PRUNE2: variants seen among roughly 807,000 people sequenced by gnomAD.
The protein encoded by PRUNE2 is prune homolog 2 with BCH domain.
In PRUNE2, 164 loss-of-function variants were observed where a neutral mutation model predicts 252.0. The ratio of observed to expected loss-of-function variants is 0.65; its 90% CI spans 0.57 to 0.74. The LOEUF is 0.74. Among genes scored for constraint, PRUNE2 ranks in the 30% least tolerant of loss-of-function variants. The pLI, the probability that PRUNE2 is intolerant of heterozygous loss-of-function variation, is 0.00. For missense variants in PRUNE2, 3,495 were observed against 3,711.0 expected (o/e 0.94, Z 1.51); for synonymous variants, 1,292 against 1,350.2 (o/e 0.96, Z 0.94).
chr9:76,809,626 G>A (rs2057222510), intron 6 of PRUNE2, among the ~76,000 whole-genome samples: 1 of 152,146 alleles, frequency 6.6e-6, no homozygotes, highest in African/African-American at 2.4e-5. Flanking sequence ...AACCAGGGAG[G>A]CAGAGGTTGC....
At chr9:76,777,185 G>A (rs1292625545) in intron 6 of PRUNE2, among the ~76,000 whole-genome samples, 1 of 152,176 alleles carries the variant, frequency 6.6e-6, no homozygotes, top group Non-Finnish European at 1.5e-5. Flanking sequence ...CCCAAAGCAT[G>A]TGAAACTGCT....
chr9:76,875,235 C>T (rs1188725689), intron 1 of PRUNE2, among the ~76,000 whole-genome samples: 1 of 152,220 alleles, frequency 6.6e-6, no homozygotes, highest in Non-Finnish European at 1.5e-5. Flanking sequence ...GTGAAATCTA[C>T]ACTGACCTCC....
chr9:76,728,724 T>C (rs1040447116), intron 6 of PRUNE2, among the ~76,000 whole-genome samples: 5 of 152,232 alleles, frequency 3.3e-5, no homozygotes, highest in Admixed American at 6.5e-5. Context: ...GGCTTTGGAA[T>C]ACAGCAGCCC....
intron 9 of PRUNE2, among the ~76,000 whole-genome samples, chr9:76,696,729 A>T (rs1227579641): frequency 6.6e-6 from 1 of 152,186 alleles, no homozygotes; most frequent in East Asian, 1.9e-4. Context: ...CCCAGCCTCC[A>T]CTAGGTTTTG....
At chr9:76,669,103 G>A (rs2040798906) in intron 9 of PRUNE2, among the ~76,000 whole-genome samples, 1 of 151,790 alleles carries the variant, frequency 6.6e-6, no homozygotes, top group Admixed American at 6.6e-5. Flanking sequence ...ATAGAAGATA[G>A]GACTTCAACA....
At chr9:76,824,059 G>T (rs2058200772) in intron 5 of PRUNE2, among the ~76,000 whole-genome samples, 2 of 152,168 alleles carry the variant, frequency 1.3e-5, no homozygotes, top group Non-Finnish European at 2.9e-5. Flanking sequence ...AAAGAAAACA[G>T]AGATCTGTAA....
chr9:76,897,401 T>C (rs1185986949), intron 1 of PRUNE2, among the ~76,000 whole-genome samples: 2 of 97,378 alleles, frequency 2.1e-5, no homozygotes, highest in Non-Finnish European at 3.8e-5. Flanking sequence ...TTTTTTTTTT[T>C]TTTTTTTTTT....
At chr9:76,720,125 A>AGTT (rs1554723708) in intron 6 of PRUNE2, among the ~76,000 whole-genome samples, 36 of 138,160 alleles carry the variant, frequency 2.6e-4, no homozygotes, top group Admixed American at 9.0e-4. Context: ...TGCTATTAAA[A>AGTT]GTTATGCTAT....
At chr9:76,777,453 G>T (rs2053925332) in intron 6 of PRUNE2, among the ~76,000 whole-genome samples, 1 of 152,208 alleles carries the variant, frequency 6.6e-6, no homozygotes, top group African/African-American at 2.4e-5. Context: ...TCAGCACACA[G>T]ATGTCACTCC....
At chr9:76,764,791 C>A (rs1264869165) in intron 6 of PRUNE2, among the ~76,000 whole-genome samples, 4 of 152,134 alleles carry the variant, frequency 2.6e-5, no homozygotes, top group African/African-American at 7.2e-5. Context: ...TTGGAGTGAA[C>A]AAGCTATTTG....
At chr9:76,809,168 C>T (rs368315650) in intron 6 of PRUNE2, among the ~76,000 whole-genome samples, 3 of 152,180 alleles carry the variant, frequency 2.0e-5, no homozygotes, top group East Asian at 3.8e-4. Flanking sequence ...TCTACCTCCC[C>T]TTCCCAAATT....
chr9:76,889,680 G>A (rs534328860), intron 1 of PRUNE2, among the ~76,000 whole-genome samples: 15 of 152,204 alleles, frequency 9.9e-5, no homozygotes, highest in Non-Finnish European at 1.6e-4. Context: ...AGCAACAGAC[G>A]CGGCACATCA....
At chr9:76,807,051 T>TGTGTGTGTGTGTGTGTGTGC (rs60768420) in intron 6 of PRUNE2, among the ~76,000 whole-genome samples, 1 of 139,338 alleles carries the variant, frequency 7.2e-6, no homozygotes, top group Admixed American at 7.1e-5. Context: ...TGTGTGTGTG[T>TGTGTGTGTGTGTGTGTGTGC]GCGCGCGCGC....
Position 76,629,290 on chromosome 9 carries a change from ACT to A in PRUNE2, c.9051-2_9051-1del, listed in dbSNP as rs1359808772. On this transcript the variant is annotated splice_acceptor_variant, in intron 15 of 18. Coordinates refer to ENST00000376718, the MANE Select transcript of PRUNE2 (RefSeq NM_015225.3). LOFTEE classifies it high-confidence loss of function. ...ATTTAATTTTACTGCTGAATTTTGA[ACT>A]AAAAAAAAAAAAAAGAAAAAAATAT... is the stretch of plus-strand genomic sequence containing the variant. 3.4e-6 allele frequency: 5 copies of A among 1,473,298 alleles called. No homozygotes were observed. In the South Asian group the frequency reaches 3.7e-5, roughly 11 times the overall value. 91.3% of individuals were successfully genotyped at this position (1,473,298 alleles called of 1,614,324 possible).
intron 1 of PRUNE2, among the ~76,000 whole-genome samples, chr9:76,900,519 C>A (rs2063106311): frequency 6.6e-6 from 1 of 152,118 alleles, no homozygotes; most frequent in Non-Finnish European, 1.5e-5. Flanking sequence ...AACAGGGTAG[C>A]CACGAATGAC....
At chr9:76,832,663 G>T (rs897627004) in intron 4 of PRUNE2, among the ~76,000 whole-genome samples, 1 of 151,480 alleles carries the variant, frequency 6.6e-6, no homozygotes, top group Non-Finnish European at 1.5e-5. Context: ...CTAAAAAAAA[G>T]GTAGAAGGAC....
At chr9:76,619,905 G>A (rs1025007663) in intron 17 of PRUNE2, among the ~76,000 whole-genome samples, 1 of 152,216 alleles carries the variant, frequency 6.6e-6, no homozygotes, top group Non-Finnish European at 1.5e-5. Flanking sequence ...CAGCTGAGCT[G>A]TGTCCAGGTG....
chr9:76,653,512 AT>A (rs555475091), intron 10 of PRUNE2, among the ~76,000 whole-genome samples: 27 of 151,666 alleles, frequency 1.8e-4, no homozygotes, highest in African/African-American at 5.3e-4. Context: ...TACAGATGCG[AT>A]TTTTTTTTCT....
chr9:76,706,392 T>C lies in PRUNE2; in HGVS notation c.5882A>G (p.Asp1961Gly). The change falls in exon 8 of 19, where the codon GAC (aspartate) becomes GGC (glycine). Residue 1961 changes from aspartate (D) to glycine (G), a missense_variant. Coordinates refer to ENST00000376718, the MANE Select transcript of PRUNE2 (RefSeq NM_015225.3). ...ATGATCACAGACTGGCAGCATGGTGTCCTGACACTGCTCTTGGGTAGGTGT... is the reference window on the plus strand; with the variant it reads ...ATGATCACAGACTGGCAGCATGGTGCCCTGACACTGCTCTTGGGTAGGTGT... Reference protein sequence around the residue: ...PETPTQEQCQDTMLPVCDHPD... With the variant: ...PETPTQEQCQGTMLPVCDHPD... 6.2e-7 allele frequency: 1 copy of C among 1,605,356 alleles called. No individual in the cohort carries two copies. The highest frequency in any genetic ancestry group is 8.5e-7 in the Non-Finnish European group (1 of 1,179,088).
Sources: gnomAD v4.1 joint callset for allele counts (sites outside exome capture counted in the v4.1 genomes callset) on GRCh38, gnomAD v4.1.1 for gene constraint, MANE v1.5 for transcripts, NCBI Gene and HGNC (gene_info 2026-07-23, HGNC 2026-07-21) for gene names.